The following AARS1 variants were observed in gnomAD, a reference collection of about 807,000 sequenced individuals.
AARS1 encodes alanyl-tRNA synthetase 1, also known as alanine--tRNA ligase, cytoplasmic.
AARS1 carries 72 observed loss-of-function variants against 108.9 expected under a neutral mutation model. The ratio of observed to expected loss-of-function variants is 0.66; its 90% confidence interval spans 0.55 to 0.80. The LOEUF is 0.80. AARS1 is among the 30% of genes least tolerant of loss of function. The pLI, the probability that AARS1 is intolerant of heterozygous loss-of-function variation, is 0.00. For missense variants in AARS1, 1,193 were observed against 1,233.2 expected (o/e 0.97, Z 0.49); for synonymous variants, 489 against 465.7 (o/e 1.05, Z -0.64).
At chr16:70,277,554 GA>G (rs569193041) in intron 2 of AARS1, among the ~76,000 whole-genome samples, 4 of 151,030 alleles carry the variant, frequency 2.6e-5, no homozygotes, top group African/African-American at 4.9e-5. Context: ...TGAGGAAGAA[GA>G]AAAAAAAACT....
At chr16:70,263,081 A>C (rs1344419969) in intron 11 of AARS1, among the ~76,000 whole-genome samples, 2 of 149,832 alleles carry the variant, frequency 1.3e-5, no homozygotes, top group Non-Finnish European at 3.0e-5. Flanking sequence ...CCCAATTTTT[A>C]GGACTGAGGG....
chr16:70,255,647 G>T, intron 16 of AARS1, 81 bp downstream of exon 16: 1 of 1,242,784 alleles, frequency 8.0e-7, no homozygotes, highest in Non-Finnish European at 1.2e-6. Flanking sequence ...GCCACGCAGA[G>T]CAGTGTTTGC....
Position 70,282,767 on chromosome 16 carries a change from G to T in AARS1, c.-4C>A. The T allele has an allele frequency of 1.9e-6, 3 of 1,613,890 alleles. No individual in the cohort carries two copies. The highest frequency in any genetic ancestry group is 2.5e-6 in the Non-Finnish European group (3 of 1,179,940). On this transcript the variant is annotated 5_prime_UTR_variant, in exon 2 of 21. Transcript: ENST00000261772. ...TTGCTGTTAGAGTAGAGTCCATCTTGAAAGTCACCCCAAAGAACTAATCAA... is the reference window on the plus strand; with the variant it reads ...TTGCTGTTAGAGTAGAGTCCATCTTTAAAGTCACCCCAAAGAACTAATCAA...
At chr16:70,255,224 G>A (rs1318164615) in intron 16 of AARS1, among the ~76,000 whole-genome samples, 2 of 131,560 alleles carry the variant, frequency 1.5e-5, no homozygotes, top group Non-Finnish European at 3.0e-5. Flanking sequence ...TTTGGAGACG[G>A]AGTCTCGCCC....
intron 10 of AARS1, 31 bp downstream of exon 10, chr16:70,265,507 G>A: frequency 6.2e-7 from 1 of 1,613,318 alleles, no homozygotes; most frequent in Non-Finnish European, 8.5e-7. Context: ...GGAAGGTGTT[G>A]GGTTTCCTGT....
chr16:70,256,605 T>C (rs1959996953), intron 15 of AARS1, among the ~76,000 whole-genome samples: 1 of 152,050 alleles, frequency 6.6e-6, no homozygotes, highest in African/African-American at 2.4e-5. Context: ...CAACCCTTGG[T>C]ATAAAGTTTT....
intron 19 of AARS1, 157 bp downstream of exon 19, chr16:70,253,557 G>T: frequency 3.8e-6 from 4 of 1,058,394 alleles, no homozygotes; most frequent in Non-Finnish European, 4.2e-6. Context: ...CCTGGCCCAG[G>T]TATGCCTCCC....
chr16:70,270,104 A>G (rs1960361228), intron 6 of AARS1, 92 bp downstream of exon 6: 2 of 1,507,604 alleles, frequency 1.3e-6, no homozygotes. Context: ...TGGCTGGCAA[A>G]GCATATGGTC....
intron 3 of AARS1, 23 bp downstream of exon 3, chr16:70,276,943 T>C: frequency 6.2e-7 from 1 of 1,613,768 alleles, no homozygotes; most frequent in Non-Finnish European, 8.5e-7. Context: ...AAAACCCTAG[T>C]GGTTCTTCTG....
In AARS1 at chr16:70,266,988, C is replaced by T. The variant is rs747992860; in HGVS notation, c.1222+671G>A. On this transcript the variant is annotated intron_variant, in intron 9 of 20. Transcript: ENST00000261772. ...AGTAGCTGGGATTACAGGCGCATGC[C>T]ACCACACCCAGCTAATTTTTTGTAT... 2.0e-4 allele frequency among the ~76,000 whole-genome samples: 30 copies of T among 152,228 alleles called. 1 individual carries two copies. Among genetic ancestry groups the T allele is most frequent in the South Asian group, 8.3e-4 (4 of 4,826 alleles).
At position 70,252,941 on chromosome 16, in the gene AARS1, G is replaced by C. The variant is rs369161831; in HGVS notation, c.2722-35C>G. ...AGGAAGGGAAGGGGGAGTCAGCACA[G>C]AAGATGGGATTGAGGGAGGAATGCA... On this transcript the variant is annotated intron_variant, in intron 20 of 20. Transcript: ENST00000261772. 1.8e-4 allele frequency: 284 copies of C among 1,605,594 alleles called. 1 individual carries two copies. Among genetic ancestry groups the C allele is most frequent in the Non-Finnish European group, 6.7e-5 (79 of 1,172,980 alleles).
chr16:70,266,179 T>TG, intron 9 of AARS1, among the ~76,000 whole-genome samples: 1 of 152,176 alleles, frequency 6.6e-6, no homozygotes, highest in Non-Finnish European at 1.5e-5. Context: ...CCGGGCATGG[T>TG]GGCGGGCGCC....
chr16:70,262,579 C>T, intron 11 of AARS1, 55 bp from the exon 12 acceptor site: 1 of 1,531,690 alleles, frequency 6.5e-7, no homozygotes. Context: ...CCTTTTCACT[C>T]CTTCTTGGCT....
intron 9 of AARS1, among the ~76,000 whole-genome samples, chr16:70,265,929 A>C (rs975472777): frequency 1.3e-5 from 2 of 152,224 alleles, no homozygotes; most frequent in Admixed American, 1.3e-4. Flanking sequence ...CTGTAATCCC[A>C]GCACTTTGAG....
At chr16:70,272,089 G>A in intron 4 of AARS1, 117 bp from the exon 5 acceptor site, 2 of 897,442 alleles carry the variant, frequency 2.2e-6, no homozygotes, top group South Asian at 1.4e-5. Context: ...TCATGTTACT[G>A]CACTCCAGCC....
chr16:70,255,111 C>T (rs948902975), intron 16 of AARS1, among the ~76,000 whole-genome samples: 4 of 151,828 alleles, frequency 2.6e-5, no homozygotes, highest in East Asian at 3.9e-4. Context: ...CATGGATCAG[C>T]GCTGGGGGCC....
At chr16:70,261,005 C>T in intron 13 of AARS1, 39 bp downstream of exon 13, 1 of 1,474,530 alleles carries the variant, frequency 6.8e-7, no homozygotes. Flanking sequence ...AAGATAATTA[C>T]TAACCAGATC....
chr16:70,268,655 T>G (rs952852690), intron 7 of AARS1, among the ~76,000 whole-genome samples: 2 of 152,160 alleles, frequency 1.3e-5, no homozygotes, highest in Non-Finnish European at 2.9e-5. Flanking sequence ...GATGTGTACT[T>G]GATGCCTGTG....
chr16:70,280,781 T>C (rs74024186), intron 2 of AARS1, among the ~76,000 whole-genome samples: 10,909 of 152,248 alleles, frequency 0.072, 1,306 homozygotes, highest in African/African-American at 0.25. Context: ...TTCATCATTT[T>C]AAGAGTTAAC....
Sources: allele counts gnomAD v4.1 joint callset (sites outside exome capture counted in the v4.1 genomes callset), GRCh38; gene constraint gnomAD v4.1.1; transcripts MANE v1.5; gene names NCBI Gene and HGNC (gene_info 2026-07-23, HGNC 2026-07-21).